The following MYO6 variants were observed in gnomAD, a reference collection of about 807,000 sequenced individuals.
MYO6 encodes the protein myosin VI.
Under a neutral mutation model 178.7 loss-of-function variants are expected in MYO6, and 74 were observed. That is an observed-to-expected ratio of 0.41 (90% CI 0.34 to 0.50). MYO6 has a LOEUF of 0.50. MYO6 is among the 20% of genes least tolerant of loss of function. The probability of loss-of-function intolerance (pLI) is 0.09; values close to 1 mark genes in which losing one functional copy is unlikely to be tolerated. For synonymous variants in MYO6, 477 were observed against 504.6 expected (o/e 0.95, Z 0.73); for missense variants, 1,330 against 1,547.4 (o/e 0.86, Z 2.36).
At chr6:75,799,666 G>C (rs986527068) in intron 1 of MYO6, among the ~76,000 whole-genome samples, 3 of 152,086 alleles carry the variant, frequency 2.0e-5, no homozygotes, top group African/African-American at 7.2e-5. Flanking sequence ...GTAGCCTAGA[G>C]TTTGAACCTT....
chr6:75,858,926 A>G lies in MYO6; in HGVS notation c.1406A>G (p.Glu469Gly). ...GAGTACTTTGAGCATAACAGTTTTGAACAATTTTGCATCAACTATTGCAAT... is the reference window on the plus strand; with the variant it reads ...GAGTACTTTGAGCATAACAGTTTTGGACAATTTTGCATCAACTATTGCAAT... ...GFEYFEHNSF[E>G]QFCINYCNEK... The change falls in exon 14 of 35, where the codon GAA becomes GGA. Residue 469 changes from glutamate to glycine, a missense_variant. By Grantham distance (98) the Glu-to-Gly change is moderately conservative. Coordinates refer to ENST00000369977, the MANE Select transcript of MYO6 (RefSeq NM_004999.4). 6.2e-7 allele frequency: 1 copy of G among 1,610,398 alleles called. No homozygotes were observed.
At chr6:75,757,386 TACAC>T (rs1562114990) in intron 1 of MYO6, among the ~76,000 whole-genome samples, 31 of 149,230 alleles carry the variant, frequency 2.1e-4, no homozygotes, top group Non-Finnish European at 3.6e-4. Flanking sequence ...TATATATGTA[TACAC>T]ATATATATAC....
chr6:75,913,879 A>G (rs917200090), intron 33 of MYO6, among the ~76,000 whole-genome samples, 184 bp from the exon 34 acceptor site: 1 of 152,174 alleles, frequency 6.6e-6, no homozygotes, highest in Non-Finnish European at 1.5e-5. Flanking sequence ...AGGGAAAGAC[A>G]ATTCTAAGAA....
chr6:75,805,305 TTAACC>T (rs961981231), intron 1 of MYO6, among the ~76,000 whole-genome samples: 7 of 152,032 alleles, frequency 4.6e-5, no homozygotes, highest in African/African-American at 7.2e-5. Context: ...GTGCCCGGCC[TTAACC>T]TAACTATATT....
chr6:75,819,078 ACT>A (rs942031810), intron 2 of MYO6, among the ~76,000 whole-genome samples: 1 of 152,208 alleles, frequency 6.6e-6, no homozygotes, highest in African/African-American at 2.4e-5. Flanking sequence ...AAGTGGATAT[ACT>A]TTTTCATATT....
At chr6:75,787,724 C>CTA (rs1562158496) in intron 1 of MYO6, among the ~76,000 whole-genome samples, 10 of 24,412 alleles carry the variant, frequency 4.1e-4, no homozygotes, top group Non-Finnish European at 6.7e-4. Context: ...CTCTCTCTCT[C>CTA]TCTCTCTATA....
intron 1 of MYO6, among the ~76,000 whole-genome samples, chr6:75,770,363 C>CTA (rs1322504980): frequency 6.6e-6 from 1 of 152,130 alleles, no homozygotes; most frequent in African/African-American, 2.4e-5. Context: ...AGAGAAATTC[C>CTA]GTAATGAGAT....
At chr6:75,798,025 C>T (rs1248802460) in intron 1 of MYO6, among the ~76,000 whole-genome samples, 1 of 152,142 alleles carries the variant, frequency 6.6e-6, no homozygotes, top group Admixed American at 6.5e-5. Flanking sequence ...GTTGCAGTTG[C>T]TTTTGGGGAC....
chr6:75,782,046 C>A (rs1295026476), intron 1 of MYO6, among the ~76,000 whole-genome samples: 1 of 150,694 alleles, frequency 6.6e-6, no homozygotes, highest in Non-Finnish European at 1.5e-5. Flanking sequence ...AGTAACCTTA[C>A]TCTAAATATT....
chr6:75,756,240 AC>A (rs1409245011), intron 1 of MYO6, among the ~76,000 whole-genome samples: 2 of 148,830 alleles, frequency 1.3e-5, no homozygotes, highest in Non-Finnish European at 3.0e-5. Flanking sequence ...AAAAAAAAAA[AC>A]AACAAGCAAG....
At chr6:75,866,844 C>A in intron 17 of MYO6, 88 bp from the exon 18 acceptor site, 1 of 1,388,948 alleles carries the variant, frequency 7.2e-7, no homozygotes, top group Non-Finnish European at 1.0e-6. Context: ...ACATTTCTGT[C>A]ATCACAGAAA....
intron 1 of MYO6, among the ~76,000 whole-genome samples, chr6:75,750,608 A>G (rs1776797625): frequency 6.6e-6 from 1 of 151,510 alleles, no homozygotes; most frequent in South Asian, 2.1e-4. Context: ...GAGTTTTAAA[A>G]ATTAACTTTT....
At chr6:75,836,357 G>A (rs562253661) in intron 7 of MYO6, among the ~76,000 whole-genome samples, 1 of 152,170 alleles carries the variant, frequency 6.6e-6, no homozygotes, top group African/African-American at 2.4e-5. Context: ...AACGAAGGCC[G>A]TAGTGTGTAA....
At chr6:75,769,985 CT>C (rs1448743344) in intron 1 of MYO6, among the ~76,000 whole-genome samples, 1 of 152,202 alleles carries the variant, frequency 6.6e-6, no homozygotes, top group African/African-American at 2.4e-5. Flanking sequence ...GTCATTCTCA[CT>C]TCTGGAGGGC....
chr6:75,776,020 T>C (rs13208849), intron 1 of MYO6, among the ~76,000 whole-genome samples: 2 of 152,232 alleles, frequency 1.3e-5, no homozygotes, highest in African/African-American at 4.8e-5. Context: ...TGTGTCCTGG[T>C]CCTTGTCCTT....
At chr6:75,793,759 T>C (rs1387090377) in intron 1 of MYO6, among the ~76,000 whole-genome samples, 2 of 152,212 alleles carry the variant, frequency 1.3e-5, no homozygotes, top group East Asian at 1.9e-4. Context: ...ACATGGAGAA[T>C]GTCTACGTAC....
intron 11 of MYO6, among the ~76,000 whole-genome samples, chr6:75,850,648 G>A (rs1562246109): frequency 6.6e-6 from 1 of 152,308 alleles, no homozygotes; most frequent in South Asian, 2.1e-4. Flanking sequence ...ATGGGAGCAC[G>A]TGCTCCTGAT....
intron 1 of MYO6, among the ~76,000 whole-genome samples, chr6:75,804,911 C>CACAT (rs1396264313): frequency 2.7e-5 from 4 of 146,788 alleles, no homozygotes; most frequent in Non-Finnish European, 5.9e-5. Flanking sequence ...CATATATACA[C>CACAT]ACATATATAA....
At chr6:75,881,875 A>AG in intron 23 of MYO6, 57 bp downstream of exon 23, 1 of 1,599,848 alleles carries the variant, frequency 6.3e-7, no homozygotes, top group South Asian at 1.1e-5. Context: ...TGGTTTGTGG[A>AG]GTGTTGTAAA....
Sources: allele counts gnomAD v4.1 joint callset (sites outside exome capture counted in the v4.1 genomes callset), GRCh38; gene constraint gnomAD v4.1.1; transcripts MANE v1.5; gene names NCBI Gene and HGNC (gene_info 2026-07-23, HGNC 2026-07-21).